Variants in RUVBL1 observed in about 807,000 individuals in gnomAD.
RUVBL1 encodes the protein RuvB like AAA ATPase 1.
In RUVBL1, 4 loss-of-function variants were observed where a neutral mutation model predicts 52.4. The observed-to-expected ratio is 0.08, with a 90% CI of 0.04 to 0.17. The LOEUF (loss-of-function observed/expected upper bound fraction) is 0.17, where lower values mean the gene tolerates loss of function less well. RUVBL1 is among the 10% of genes least tolerant of loss of function. The pLI is 1.00. For synonymous variants in RUVBL1, 217 were observed against 214.4 expected, an observed-to-expected ratio of 1.01 and a Z score of -0.10; for missense variants, 298 against 572.8, an observed-to-expected ratio of 0.52 and a Z score of 4.90.
intron 1 of RUVBL1, among the ~76,000 whole-genome samples, chr3:128,130,979 C>T (rs1231775583): frequency 6.6e-6 from 1 of 151,818 alleles, no homozygotes; most frequent in Non-Finnish European, 1.5e-5. Context: ...ATTTGCCAGG[C>T]ATGATTGTGC....
intron 1 of RUVBL1, chr3:128,142,031 T>C (rs955168634): frequency 5.9e-5 from 9 of 152,268 alleles, no homozygotes; most frequent in African/African-American, 2.2e-4. Context: ...AGGAACTGCT[T>C]TGGAGCCTAG....
chr3:128,100,742 C>T lies in RUVBL1; in HGVS notation c.606G>A (p.Arg202=). ...TGGCATAGGTATCACACCTGCCCTG[C>T]CTCTGCAAAAAGAGAGAAACATGAG... The part of the protein sequence containing the change: ...YIEANSGAVK[R]QGRCDTYATE... The change falls in exon 6 of 11, where the codon AGG becomes AGA. Residue 202 remains arginine (R), a splice_region_variant and synonymous_variant. Transcript: ENST00000322623. 3 of 1,613,014 alleles carry T rather than the reference C, an allele frequency of 1.9e-6. No individual in the cohort carries two copies. Among genetic ancestry groups the T allele is most frequent in the Non-Finnish European group, 1.7e-6 (2 of 1,179,718 alleles).
chr3:128,143,451 G>A (rs527914751), intron 1 of RUVBL1, among the ~76,000 whole-genome samples: 103 of 152,036 alleles, frequency 6.8e-4, no homozygotes, highest in Middle Eastern at 6.9e-3. Flanking sequence ...GATTACAGGC[G>A]TGAGCCACAG....
At chr3:128,122,983 G>A (rs895539417) in intron 1 of RUVBL1, among the ~76,000 whole-genome samples, 1 of 152,202 alleles carries the variant, frequency 6.6e-6, no homozygotes, top group Non-Finnish European at 1.5e-5. Context: ...GATGCTTGGA[G>A]GGGTGGATAA....
At chr3:128,151,882 G>T (rs1018525910) in intron 1 of RUVBL1, among the ~76,000 whole-genome samples, 2 of 152,174 alleles carry the variant, frequency 1.3e-5, no homozygotes, top group Non-Finnish European at 2.9e-5. Flanking sequence ...GAGGGCAAAG[G>T]TAAGATCCTG....
At chr3:128,106,226 GCACCTTA>G (rs1248888568) in intron 3 of RUVBL1, among the ~76,000 whole-genome samples, 1 of 152,026 alleles carries the variant, frequency 6.6e-6, no homozygotes, top group Non-Finnish European at 1.5e-5. Context: ...AATTTCCAAA[GCACCTTA>G]CATTAGAATA....
chr3:128,069,745 C>G, intron 9 of RUVBL1: 2 of 1,103,588 alleles, frequency 1.8e-6, no homozygotes, highest in South Asian at 2.8e-5. Context: ...GCTGCTGCGG[C>G]ATATGGACTT....
At chr3:128,150,508 A>C (rs930555912) in intron 1 of RUVBL1, among the ~76,000 whole-genome samples, 2 of 146,924 alleles carry the variant, frequency 1.4e-5, no homozygotes, top group Non-Finnish European at 3.0e-5. Context: ...TGTATGTTCC[A>C]TTGTATGGAA....
chr3:128,121,136 C>T (rs1943637160), intron 1 of RUVBL1, among the ~76,000 whole-genome samples: 1 of 151,980 alleles, frequency 6.6e-6, no homozygotes, highest in Non-Finnish European at 1.5e-5. Flanking sequence ...CTCGCTGTCA[C>T]CCGGGCTGGA....
intron 7 of RUVBL1, among the ~76,000 whole-genome samples, chr3:128,097,880 G>A (rs991946766): frequency 1.1e-4 from 16 of 152,184 alleles, no homozygotes; most frequent in African/African-American, 3.9e-4. Context: ...TGGAGTTTGG[G>A]AGCCCTGGGT....
In RUVBL1 at chr3:128,119,214, C is replaced by T. The variant is rs1309947913; in HGVS notation, c.228+114G>A. The T allele has an allele frequency of 2.5e-5, 16 of 647,844 alleles. No homozygotes were observed. In the Admixed American group the frequency reaches 5.2e-4, roughly 21 times the overall value. The allele number at this position is 647,844 out of a possible 1,614,324, so 40.1% of individuals were successfully genotyped here. On this transcript the variant is annotated intron_variant, in intron 2 of 10. Transcript: ENST00000322623. Reference sequence around the variant, plus strand: ...TATTATTGCATATTAATTTTAAAAACATACATATAACCCATTTAGCTAAAC... The same window carrying T: ...TATTATTGCATATTAATTTTAAAAATATACATATAACCCATTTAGCTAAAC...
upstream of RUVBL1, among the ~76,000 whole-genome samples, chr3:128,126,460 C>T (rs540916981): frequency 6.6e-5 from 10 of 151,944 alleles, no homozygotes; most frequent in East Asian, 1.5e-3. Flanking sequence ...GCACGAGAAT[C>T]GCTTGAACTC....
chr3:128,129,950 C>T (rs1396922667), intron 1 of RUVBL1, among the ~76,000 whole-genome samples: 1 of 152,054 alleles, frequency 6.6e-6, no homozygotes, highest in African/African-American at 2.4e-5. Flanking sequence ...GATGGTTGCA[C>T]AACAATGTGA....
intron 9 of RUVBL1, among the ~76,000 whole-genome samples, chr3:128,072,677 A>G (rs1444622874): frequency 3.3e-5 from 5 of 152,190 alleles, no homozygotes; most frequent in Non-Finnish European, 7.4e-5. Flanking sequence ...AGGCGCTGTG[A>G]ATTGCTGAGG....
intron 3 of RUVBL1, among the ~76,000 whole-genome samples, chr3:128,107,821 T>C (rs1234720871): frequency 6.6e-6 from 1 of 152,244 alleles, no homozygotes; most frequent in African/African-American, 2.4e-5. Context: ...GAACTTTGAT[T>C]TTTTAAAATC....
chr3:128,150,343 A>AAT (rs895273522), intron 1 of RUVBL1, among the ~76,000 whole-genome samples: 3 of 151,738 alleles, frequency 2.0e-5, no homozygotes. Flanking sequence ...ATATACATGG[A>AAT]ATATATATAT....
intron 2 of RUVBL1, among the ~76,000 whole-genome samples, chr3:128,115,124 G>A (rs139788904): frequency 1.8e-4 from 28 of 152,102 alleles, no homozygotes; most frequent in African/African-American, 6.5e-4. Context: ...AGACCTCATC[G>A]AATCTCCCCA....
intron 3 of RUVBL1, among the ~76,000 whole-genome samples, chr3:128,108,814 G>C (rs1943307779): frequency 6.6e-6 from 1 of 151,838 alleles, no homozygotes; most frequent in African/African-American, 2.4e-5. Flanking sequence ...AAAATACTCA[G>C]AAGATTTTAA....
chr3:128,130,129 C>A (rs1042226148), intron 1 of RUVBL1, among the ~76,000 whole-genome samples: 1 of 151,826 alleles, frequency 6.6e-6, no homozygotes, highest in African/African-American at 2.4e-5. Context: ...AAAAGAATAA[C>A]AAAATTGACA....
Sources: gnomAD v4.1 joint callset for allele counts (sites outside exome capture counted in the v4.1 genomes callset) on GRCh38, gnomAD v4.1.1 for gene constraint, MANE v1.5 for transcripts, NCBI Gene and HGNC (gene_info 2026-07-23, HGNC 2026-07-21) for gene names.